Variants in KLHL1 observed in about 807,000 individuals in gnomAD.
The protein encoded by KLHL1 is kelch like family member 1.
KLHL1 carries 47 observed loss-of-function variants against 77.7 expected under a neutral mutation model. That is an observed-to-expected ratio of 0.60 (90% CI 0.48 to 0.77). The LOEUF (loss-of-function observed/expected upper bound fraction) is 0.77. Among genes scored for constraint, KLHL1 ranks in the 30% least tolerant of loss-of-function variants. The pLI, the probability that KLHL1 is intolerant of heterozygous loss-of-function variation, is 0.00. For synonymous variants in KLHL1, 360 were observed against 325.2 expected (o/e 1.11, Z -1.15); for missense variants, 925 against 910.8 (o/e 1.02, Z -0.20).
rs566484460 is a variant in KLHL1 at position 69,914,405 on chromosome 13, G to A, written c.1014+25635C>T. Among the ~76,000 whole-genome samples the A allele has an allele frequency of 7.9e-5, 12 of 151,960 alleles. No individual in the cohort carries two copies. In the South Asian group the frequency reaches 8.3e-4, roughly 11 times the overall value. On this transcript the variant is annotated intron_variant, in intron 4 of 10. Coordinates refer to ENST00000377844, the MANE Select transcript of KLHL1 (RefSeq NM_020866.3). ...CCATTTGTCTCCATGGAATAGACACGCAAAAACTGTTCTCATTTTCTGTTT... is the reference window on the plus strand; with the variant it reads ...CCATTTGTCTCCATGGAATAGACACACAAAAACTGTTCTCATTTTCTGTTT...
rs558808277 is a variant in KLHL1, at chr13:70,012,782, G to T, written c.498-36980C>A. ...AAAAATTAGCCAGGCATGGTGGTGG[G>T]CGCCTGTAGTCCTGGGAGGCTGAGG... On this transcript the variant is annotated intron_variant, in intron 1 of 10. Transcript: ENST00000377844. Among the ~76,000 whole-genome samples, 45 of 151,928 alleles carry T rather than the reference G, an allele frequency of 3.0e-4. 2 individuals carry two copies. The South Asian group carries it at 8.7e-3, about 29-fold the overall frequency.
intron 4 of KLHL1, among the ~76,000 whole-genome samples, chr13:69,889,775 A>C (rs1881359485): frequency 6.6e-6 from 1 of 152,022 alleles, no homozygotes; most frequent in Non-Finnish European, 1.5e-5. Context: ...AGCATCCATG[A>C]TAATGCATTC....
At chr13:69,717,338 G>A (rs1214097036) in intron 9 of KLHL1, among the ~76,000 whole-genome samples, 1 of 152,056 alleles carries the variant, frequency 6.6e-6, no homozygotes, top group Non-Finnish European at 1.5e-5. Context: ...ATTTATTGAG[G>A]AGTTACATGT....
chr13:70,025,202 G>A (rs2137357889), intron 1 of KLHL1, among the ~76,000 whole-genome samples: 1 of 152,028 alleles, frequency 6.6e-6, no homozygotes, highest in East Asian at 1.9e-4. Context: ...GTCCAGAATT[G>A]TATACAGTGG....
chr13:69,996,369 C>A (rs1260423662), intron 1 of KLHL1, among the ~76,000 whole-genome samples: 1 of 151,848 alleles, frequency 6.6e-6, no homozygotes, highest in African/African-American at 2.4e-5. Flanking sequence ...CATTATATTA[C>A]AAATTAATTT....
intron 7 of KLHL1, among the ~76,000 whole-genome samples, chr13:69,772,778 C>A (rs1325330445): frequency 6.6e-6 from 1 of 152,024 alleles, no homozygotes; most frequent in Non-Finnish European, 1.5e-5. Flanking sequence ...AATAAAGTGC[C>A]TTAAAAAGAG....
At position 69,998,363 on chromosome 13, in the gene KLHL1, T is replaced by C. The variant is rs189035368; in HGVS notation, c.498-22561A>G. Among the ~76,000 whole-genome samples the C allele has an allele frequency of 9.9e-5, 15 of 152,136 alleles. No homozygotes were observed. The East Asian group carries it at 2.9e-3, about 30-fold the overall frequency. On this transcript the variant is annotated intron_variant, in intron 1 of 10. Transcript: ENST00000377844. Reference sequence around the variant, plus strand: ...GCTCACACAATGGGAGCTCCCATTGTGTGGGAGCACAATTATACTTCAACT... The same window carrying C: ...GCTCACACAATGGGAGCTCCCATTGCGTGGGAGCACAATTATACTTCAACT...
intron 1 of KLHL1, among the ~76,000 whole-genome samples, chr13:70,019,437 T>C (rs1235416047): frequency 2.6e-5 from 4 of 151,768 alleles, no homozygotes; most frequent in African/African-American, 9.7e-5. Flanking sequence ...GCTTCACTTA[T>C]CTCAGTGAAG....
At chr13:69,845,022 G>C (rs1879406682) in intron 5 of KLHL1, among the ~76,000 whole-genome samples, 1 of 151,586 alleles carries the variant, frequency 6.6e-6, no homozygotes, top group Admixed American at 6.6e-5. Context: ...AGCAAGACTA[G>C]AACTTGCCCT....
intron 4 of KLHL1, among the ~76,000 whole-genome samples, chr13:69,897,968 G>A (rs1704461854): frequency 6.6e-6 from 1 of 152,170 alleles, no homozygotes; most frequent in Non-Finnish European, 1.5e-5. Flanking sequence ...AGTTTCAACT[G>A]ACAAATTCCT....
intron 1 of KLHL1, among the ~76,000 whole-genome samples, chr13:70,030,161 CACTGTCA>C (rs1430416149): frequency 2.0e-5 from 3 of 152,072 alleles, no homozygotes; most frequent in African/African-American, 7.2e-5. Context: ...TTTAACACCC[CACTGTCA>C]ACATTAGACA....
chr13:70,009,444 G>A (rs1885479075), intron 1 of KLHL1, among the ~76,000 whole-genome samples: 1 of 152,092 alleles, frequency 6.6e-6, no homozygotes, highest in African/African-American at 2.4e-5. Context: ...CAAAATATGT[G>A]GGAAACCCAA....
chr13:69,704,934 A>C lies in KLHL1; in HGVS notation c.2187+2691T>G, dbSNP rs186781821. 4.4e-3 allele frequency among the ~76,000 whole-genome samples: 639 copies of C among 145,884 alleles called. 5 individuals are homozygous for C. Among genetic ancestry groups the C allele is most frequent in the African/African-American group, 0.014 (559 of 39,716 alleles). On this transcript the variant is annotated intron_variant, in intron 10 of 10. Transcript: ENST00000377844. The stretch of plus-strand genomic sequence containing the variant: ...ATATCTTATATATCTATTGTCTACA[A>C]ATAAATGAAATGCATACACAAAAAG...
intron 7 of KLHL1, among the ~76,000 whole-genome samples, chr13:69,780,682 C>T (rs1482287214): frequency 2.0e-5 from 2 of 98,108 alleles, no homozygotes; most frequent in Admixed American, 2.8e-4. Flanking sequence ...AATTCTCTTT[C>T]TTCATATATA....
chr13:70,055,556 C>G (rs934164076), intron 1 of KLHL1, among the ~76,000 whole-genome samples: 1 of 151,956 alleles, frequency 6.6e-6, no homozygotes. Context: ...CTAGTAATAT[C>G]GTGAGTAGAA....
intron 1 of KLHL1, among the ~76,000 whole-genome samples, chr13:70,065,053 G>A (rs966477639): frequency 6.6e-6 from 1 of 152,082 alleles, no homozygotes; most frequent in African/African-American, 2.4e-5. Context: ...TTGGCAAGTC[G>A]ATAGGTCATA....
At chr13:69,726,709 C>T (rs905184291) in intron 8 of KLHL1, among the ~76,000 whole-genome samples, 1 of 152,134 alleles carries the variant, frequency 6.6e-6, no homozygotes, top group Non-Finnish European at 1.5e-5. Flanking sequence ...TGTATCCAAA[C>T]TTGGCAGAAT....
At chr13:69,738,518 C>T (rs1873855240) in intron 8 of KLHL1, among the ~76,000 whole-genome samples, 2 of 151,996 alleles carry the variant, frequency 1.3e-5, no homozygotes, top group Admixed American at 6.6e-5. Context: ...ACTACAGGAG[C>T]TGTTAACCAG....
intron 1 of KLHL1, among the ~76,000 whole-genome samples, chr13:70,041,238 G>A (rs1482984585): frequency 6.6e-6 from 1 of 152,058 alleles, no homozygotes; most frequent in Non-Finnish European, 1.5e-5. Flanking sequence ...CCTCAGAACT[G>A]GTCTATGATG....
Sources: allele counts gnomAD v4.1 joint callset (sites outside exome capture counted in the v4.1 genomes callset), GRCh38; gene constraint gnomAD v4.1.1; transcripts MANE v1.5; gene names NCBI Gene and HGNC (gene_info 2026-07-23, HGNC 2026-07-21).